The following CNTN5 variants were observed in gnomAD, a reference collection of about 807,000 sequenced individuals.
The protein encoded by CNTN5 is contactin-5.
Under a neutral mutation model 129.1 loss-of-function variants are expected in CNTN5, and 77 were observed. The observed-to-expected ratio is 0.60, with a 90% CI of 0.50 to 0.72. CNTN5 has a LOEUF of 0.72. Among genes scored for constraint, CNTN5 ranks in the 30% least tolerant of loss-of-function variants. CNTN5 has a pLI of 0.00. For missense variants in CNTN5, 1,478 were observed against 1,328.8 expected, an observed-to-expected ratio of 1.11 and a Z score of -1.75; for synonymous variants, 509 against 465.6, an observed-to-expected ratio of 1.09 and a Z score of -1.20.
chr11:100,186,025 A>G (rs1415614930), intron 13 of CNTN5, among the ~76,000 whole-genome samples: 3 of 152,140 alleles, frequency 2.0e-5, no homozygotes, highest in Non-Finnish European at 2.9e-5. Flanking sequence ...AAAGGTTTAA[A>G]CTAAGTTGTG....
intron 7 of CNTN5, among the ~76,000 whole-genome samples, chr11:99,953,944 G>A (rs1950736637): frequency 6.6e-6 from 1 of 152,066 alleles, no homozygotes. Context: ...ATATTGCCTA[G>A]ATTTTCTTCT....
At chr11:99,651,020 G>A (rs867776387) in intron 3 of CNTN5, among the ~76,000 whole-genome samples, 11 of 151,800 alleles carry the variant, frequency 7.2e-5, no homozygotes, top group African/African-American at 2.4e-4. Context: ...TTGTCTCATC[G>A]TTTCTAATTT....
At chr11:100,170,179 C>T (rs796169307) in intron 13 of CNTN5, among the ~76,000 whole-genome samples, 8 of 152,070 alleles carry the variant, frequency 5.3e-5, no homozygotes, top group African/African-American at 1.9e-4. Context: ...ATTTCTAATT[C>T]TCACCATACA....
At chr11:99,742,136 A>G (rs562919003) in intron 3 of CNTN5, among the ~76,000 whole-genome samples, 1 of 152,178 alleles carries the variant, frequency 6.6e-6, no homozygotes, top group Admixed American at 6.5e-5. Context: ...TTCAGCAAGT[A>G]CTTTACTACT....
At position 100,161,977 on chromosome 11, in the gene CNTN5, AATGGAAC is replaced by A. The variant is rs1341494517; in HGVS notation, c.1581-29148_1581-29142del. Among the ~76,000 whole-genome samples, 45 of 151,850 alleles carry A rather than the reference AATGGAAC, an allele frequency of 3.0e-4. 1 individual carries two copies. The East Asian group carries it at 8.2e-3, about 28-fold the overall frequency. ...TTTACTCAAATAAGTCATCTTCTCT[AATGGAAC>A]TTTAAAATTGAGAGTGGTTCACTAT... On this transcript the variant is annotated intron_variant, in intron 13 of 24. Coordinates refer to ENST00000524871, the MANE Select transcript of CNTN5 (RefSeq NM_014361.4).
intron 2 of CNTN5, among the ~76,000 whole-genome samples, chr11:99,457,491 T>C (rs762127675): frequency 2.6e-5 from 4 of 151,764 alleles, no homozygotes; most frequent in Non-Finnish European, 3.0e-5. Flanking sequence ...TTTCAGTACT[T>C]GGAGAGAAAA....
chr11:99,943,651 G>T (rs1591458308), intron 7 of CNTN5, among the ~76,000 whole-genome samples: 1 of 151,920 alleles, frequency 6.6e-6, no homozygotes, highest in Non-Finnish European at 1.5e-5. Context: ...TTCTTCTAGG[G>T]TTTTTATGGT....
chr11:99,907,284 A>AT (rs1351117852), intron 6 of CNTN5, among the ~76,000 whole-genome samples: 2 of 151,912 alleles, frequency 1.3e-5, no homozygotes, highest in East Asian at 3.9e-4. Context: ...AATAAATTTG[A>AT]TTTTTAACAT....
At chr11:99,454,445 G>A (rs1052647424) in intron 2 of CNTN5, among the ~76,000 whole-genome samples, 1 of 152,086 alleles carries the variant, frequency 6.6e-6, no homozygotes, top group African/African-American at 2.4e-5. Context: ...AGATCTGATG[G>A]TTTTATAAGG....
At chr11:99,157,905 G>A (rs979518572) in intron 1 of CNTN5, among the ~76,000 whole-genome samples, 2 of 152,166 alleles carry the variant, frequency 1.3e-5, no homozygotes, top group African/African-American at 2.4e-5. Context: ...TGAAACTGAG[G>A]TTTGTACAGG....
chr11:99,467,415 C>A (rs989418026), intron 2 of CNTN5, among the ~76,000 whole-genome samples: 7 of 152,122 alleles, frequency 4.6e-5, no homozygotes, highest in African/African-American at 1.7e-4. Flanking sequence ...TCCTATGGTG[C>A]TAGTTACATG....
chr11:100,065,750 G>C (rs755314292), intron 10 of CNTN5, among the ~76,000 whole-genome samples: 2 of 152,006 alleles, frequency 1.3e-5, no homozygotes, highest in African/African-American at 4.8e-5. Flanking sequence ...GAATGGCATC[G>C]AGAGCAGATA....
At chr11:99,618,975 TG>T in intron 3 of CNTN5, among the ~76,000 whole-genome samples, 1 of 152,318 alleles carries the variant, frequency 6.6e-6, no homozygotes, top group South Asian at 2.1e-4. Flanking sequence ...TCAATGAGTC[TG>T]ACTTCACATG....
At chr11:99,650,593 G>C (rs1009381892) in intron 3 of CNTN5, among the ~76,000 whole-genome samples, 1 of 151,626 alleles carries the variant, frequency 6.6e-6, no homozygotes. Flanking sequence ...AACTTCCTGT[G>C]ATAAAAGTTT....
intron 2 of CNTN5, among the ~76,000 whole-genome samples, chr11:99,545,848 T>G (rs942027504): frequency 2.6e-5 from 4 of 152,202 alleles, no homozygotes; most frequent in African/African-American, 9.7e-5. Flanking sequence ...GTTGCACATT[T>G]TGGAATGTGT....
chr11:100,043,426 G>A (rs1284840307), intron 9 of CNTN5, among the ~76,000 whole-genome samples: 1 of 152,128 alleles, frequency 6.6e-6, no homozygotes, highest in Non-Finnish European at 1.5e-5. Flanking sequence ...AAATAACTTG[G>A]AGGCAAAAAA....
intron 16 of CNTN5, among the ~76,000 whole-genome samples, chr11:100,234,507 G>T (rs950089055): frequency 6.6e-6 from 1 of 152,068 alleles, no homozygotes; most frequent in African/African-American, 2.4e-5. Flanking sequence ...CATGGATGAA[G>T]CTGGAAACCT....
intron 7 of CNTN5, among the ~76,000 whole-genome samples, chr11:99,945,873 C>G (rs1950543872): frequency 6.6e-6 from 1 of 152,022 alleles, no homozygotes. Flanking sequence ...CATTTCATGT[C>G]ACTCTACTAT....
At chr11:99,663,312 A>T (rs1952664124) in intron 3 of CNTN5, among the ~76,000 whole-genome samples, 1 of 152,130 alleles carries the variant, frequency 6.6e-6, no homozygotes, top group Admixed American at 6.5e-5. Context: ...TACTAAAAAT[A>T]CAAAAAATAG....
Sources: allele counts gnomAD v4.1 joint callset (sites outside exome capture counted in the v4.1 genomes callset), GRCh38; gene constraint gnomAD v4.1.1; transcripts MANE v1.5; gene names NCBI Gene and HGNC (gene_info 2026-07-23, HGNC 2026-07-21).